NAA40: variants seen among roughly 807,000 people sequenced by gnomAD.
NAA40 encodes N-alpha-acetyltransferase 40, NatD catalytic subunit, also known as N-alpha-acetyltransferase 40.
A neutral mutation model predicts 36.6 loss-of-function variants in NAA40; 26 were observed. The observed-to-expected ratio is 0.71, with a 90% CI of 0.52 to 0.98. The LOEUF is 0.98. Ranked by LOEUF, NAA40 falls within the 50% of genes least tolerant of loss-of-function variation. The probability of loss-of-function intolerance (pLI) is 0.00; values close to 1 mark genes in which losing one functional copy is unlikely to be tolerated. For synonymous variants in NAA40, 129 were observed against 108.4 expected, an observed-to-expected ratio of 1.19 and a Z score of -1.18; for missense variants, 237 against 306.5, an observed-to-expected ratio of 0.77 and a Z score of 1.69.
At chr11:63,948,360 A>G (rs1206259835) in intron 3 of NAA40, among the ~76,000 whole-genome samples, 1 of 152,162 alleles carries the variant, frequency 6.6e-6, no homozygotes, top group East Asian at 1.9e-4. Flanking sequence ...CTGAGTATAC[A>G]GTATAATTGT....
chr11:63,951,729 C>T (rs544813657), intron 3 of NAA40, among the ~76,000 whole-genome samples: 2 of 152,082 alleles, frequency 1.3e-5, no homozygotes, highest in African/African-American at 4.8e-5. Context: ...CGTGTTGAGC[C>T]GTAGTCTTCT....
At chr11:63,942,141 C>T (rs1942118419) in intron 1 of NAA40, among the ~76,000 whole-genome samples, 2 of 152,006 alleles carry the variant, frequency 1.3e-5, no homozygotes, top group African/African-American at 2.4e-5. Flanking sequence ...CCAGATAAAG[C>T]GGATCTACCC....
intron 6 of NAA40, 54 bp downstream of exon 6, chr11:63,952,893 C>G (rs1040464267): frequency 1.4e-6 from 2 of 1,463,146 alleles, no homozygotes; most frequent in African/African-American, 2.8e-5. Context: ...AAGGAGCTGT[C>G]ACTGAGGCAC....
At chr11:63,947,334 G>C (rs962922435) in intron 3 of NAA40, among the ~76,000 whole-genome samples, 7 of 152,008 alleles carry the variant, frequency 4.6e-5, no homozygotes, top group Non-Finnish European at 1.0e-4. Flanking sequence ...TTGAACCCGG[G>C]GGGCAGAGGT....
At chr11:63,939,200 C>T (rs1393299438) in intron 1 of NAA40, 98 bp downstream of exon 1, 11 of 1,139,190 alleles carry the variant, frequency 9.7e-6, no homozygotes, top group Non-Finnish European at 1.1e-6. Context: ...GACCCCGACC[C>T]CCTCCAGCCT....
chr11:63,939,217 A>G, intron 1 of NAA40, 115 bp downstream of exon 1: 1 of 993,062 alleles, frequency 1.0e-6, no homozygotes, highest in Non-Finnish European at 1.3e-6. Context: ...GCCTCACGTG[A>G]CCCCTGACCC....
intron 6 of NAA40, 69 bp from the exon 7 acceptor site, chr11:63,953,903 T>G: frequency 1.4e-6 from 2 of 1,395,924 alleles, no homozygotes; most frequent in Non-Finnish European, 2.0e-6. Context: ...GTGCTGGGAT[T>G]ACAGGTGCAT....
intron 3 of NAA40, among the ~76,000 whole-genome samples, chr11:63,948,084 A>G (rs1942217739): frequency 6.6e-6 from 1 of 151,216 alleles, no homozygotes; most frequent in Non-Finnish European, 1.5e-5. Context: ...CGAACTCCTG[A>G]CCTCAACTGA....
At position 63,954,064 on chromosome 11, in the gene NAA40, G is replaced by T. The variant is rs752787817; in HGVS notation, c.572+15G>T. 6.2e-7 allele frequency: 1 copy of T among 1,613,784 alleles called. No individual in the cohort carries two copies. The highest frequency in any genetic ancestry group is 1.1e-5 in the South Asian group (1 of 91,056). On this transcript the variant is annotated intron_variant, in intron 7 of 7. Coordinates refer to ENST00000377793, the MANE Select transcript of NAA40 (RefSeq NM_024771.4). Reference sequence around the variant, plus strand: ...GAAGCGTTGCAGTAAGGAGCTGGGTGTGGGCCCTTCTGGGTGGTAGGTGGG... The same window carrying T: ...GAAGCGTTGCAGTAAGGAGCTGGGTTTGGGCCCTTCTGGGTGGTAGGTGGG...
chr11:63,952,242 A>G lies in NAA40; in HGVS notation c.160A>G (p.Asn54Asp). 6.2e-7 allele frequency: 1 copy of G among 1,610,662 alleles called. No individual in the cohort carries two copies. Among genetic ancestry groups the G allele is most frequent in the Non-Finnish European group, 8.5e-7 (1 of 1,177,952 alleles). Residue 54 changes from asparagine to aspartate, a missense_variant, in exon 4 of 8, where the codon AAT becomes GAT. Asn to Asp is a conservative substitution (Grantham distance 23). Coordinates refer to ENST00000377793, the MANE Select transcript of NAA40 (RefSeq NM_024771.4). ...VFKKYDRNGL[N>D]VSIECKRVSG... ...CACGTCCTGTCCTCTTCTCAGGTTG[A>G]ATGTCTCCATTGAATGTAAGCGAGT...
At chr11:63,952,088 C>T in intron 3 of NAA40, 150 bp from the exon 4 acceptor site, 1 of 613,732 alleles carries the variant, frequency 1.6e-6, no homozygotes, top group South Asian at 2.2e-5. Flanking sequence ...CCTGCACCTT[C>T]TCTAGTCATG....
intron 3 of NAA40, among the ~76,000 whole-genome samples, chr11:63,947,726 G>GGT (rs1243561721): frequency 3.3e-4 from 7 of 20,964 alleles, no homozygotes; most frequent in African/African-American, 5.6e-4. Flanking sequence ...AATTTTTGTG[G>GGT]GTTTTTTTTT....
At chr11:63,950,121 T>G (rs1178516404) in intron 3 of NAA40, among the ~76,000 whole-genome samples, 3 of 105,082 alleles carry the variant, frequency 2.9e-5, no homozygotes, top group African/African-American at 1.4e-4. Flanking sequence ...AGGTTTTTTT[T>G]GTTTTTTTTT....
At chr11:63,952,672 C>G in intron 5 of NAA40, 84 bp from the exon 6 acceptor site, 1 of 1,598,412 alleles carries the variant, frequency 6.3e-7, no homozygotes, top group Non-Finnish European at 8.6e-7. Flanking sequence ...TATGAGCTGC[C>G]AAGGACTGCA....
chr11:63,957,212 A>ATATATATTTTTTTTTT lies in NAA40; in HGVS notation c.*2734_*2735insATATATTTTTTTTTTT, dbSNP rs1278673521. ...CCTTGATATATATATATATATATAT[A>ATATATATTTTTTTTTT]TTTTTTTTTTTCTTTAGCAGCTTGT... On this transcript the variant is annotated 3_prime_UTR_variant, in exon 8 of 8. Transcript: ENST00000377793. The ATATATATTTTTTTTTT allele has an allele frequency of 1.6e-5, 1 of 64,300 alleles. No individual in the cohort carries two copies. Among genetic ancestry groups the ATATATATTTTTTTTTT allele is most frequent in the African/African-American group, 4.2e-5 (1 of 23,942 alleles). 4.0% of individuals were successfully genotyped at this position (64,300 alleles called of 1,614,324 possible). A position where few individuals can be genotyped will look rare whatever the true frequency, so the allele number is the denominator to read the frequency against.
intron 2 of NAA40, chr11:63,946,650 CTCT>C (rs1942191626): frequency 7.2e-7 from 1 of 1,379,356 alleles, no homozygotes; most frequent in Non-Finnish European, 9.4e-7. Context: ...ATCAGGTAGC[CTCT>C]TCTTTGGGTT....
In NAA40 at chr11:63,954,957, T is replaced by C. The variant is rs764227162; in HGVS notation, c.*478T>C. 150 of 153,182 alleles carry C rather than the reference T, an allele frequency of 9.8e-4. No homozygotes were observed. The highest frequency in any genetic ancestry group is 1.5e-3 in the Non-Finnish European group (105 of 68,586). 9.5% of individuals were successfully genotyped at this position (153,182 alleles called of 1,614,324 possible). ...TAAGATCTGGGTGTAGAGGGCGGCT[T>C]CAGAGAGACTCACGCTTGCGCAGTT... On this transcript the variant is annotated 3_prime_UTR_variant, in exon 8 of 8. Transcript: ENST00000377793.
chr11:63,952,785 G>T lies in NAA40; in HGVS notation c.440G>T (p.Arg147Leu). ...CYEVQLESKV[R>L]RKGLGKFLIQ... ...GAAGTGCAGTTGGAAAGCAAGGTGC[G>T]GCGGAAAGGCCTGGGGAAGTTCCTC... Residue 147 changes from arginine (R) to leucine (L), a missense_variant, in exon 6 of 8, where the codon CGG becomes CTG. Physicochemically the swap from Arg to Leu is moderately radical, Grantham distance 102. Coordinates refer to ENST00000377793, the MANE Select transcript of NAA40 (RefSeq NM_024771.4). 6.2e-7 allele frequency: 1 copy of T among 1,614,106 alleles called. No individual in the cohort carries two copies. The highest frequency in any genetic ancestry group is 8.5e-7 in the Non-Finnish European group (1 of 1,180,036).
intron 1 of NAA40, among the ~76,000 whole-genome samples, chr11:63,943,621 C>A (rs1942141509): frequency 1.3e-5 from 2 of 152,004 alleles, no homozygotes; most frequent in Non-Finnish European, 2.9e-5. Context: ...GCTCAGTTTC[C>A]TATTGTGTAA....
Sources: allele counts gnomAD v4.1 joint callset (sites outside exome capture counted in the v4.1 genomes callset), GRCh38; gene constraint gnomAD v4.1.1; transcripts MANE v1.5; gene names NCBI Gene and HGNC (gene_info 2026-07-23, HGNC 2026-07-21).